CDH23: variants seen among roughly 807,000 people sequenced by gnomAD.
CDH23 encodes cadherin-23.
A neutral mutation model predicts 317.1 loss-of-function variants in CDH23; 189 were observed. That is an observed-to-expected ratio of 0.60 (90% CI 0.53 to 0.67). The LOEUF is 0.67. Ranked by LOEUF, CDH23 falls within the 30% of genes least tolerant of loss-of-function variation. The pLI, the probability that CDH23 is intolerant of heterozygous loss-of-function variation, is 0.00. For missense variants in CDH23, 4,401 were observed against 4,592.4 expected (o/e 0.96, Z 1.20); for synonymous variants, 1,839 against 1,876.8 (o/e 0.98, Z 0.52).
chr10:71,801,360 G>T (rs901386089), intron 53 of CDH23, among the ~76,000 whole-genome samples: 1 of 151,800 alleles, frequency 6.6e-6, no homozygotes, highest in Non-Finnish European at 1.5e-5. Flanking sequence ...CTCCATGTTG[G>T]TCGGGCTGGT....
intron 25 of CDH23, among the ~76,000 whole-genome samples, chr10:71,706,024 G>A (rs977665828): frequency 2.6e-5 from 4 of 152,142 alleles, no homozygotes; most frequent in African/African-American, 4.8e-5. Context: ...CCAGTTTCAG[G>A]ACCCCCTTAT....
chr10:71,576,248 G>T (rs904768986), intron 8 of CDH23, among the ~76,000 whole-genome samples: 2 of 152,224 alleles, frequency 1.3e-5, no homozygotes, highest in Non-Finnish European at 2.9e-5. Flanking sequence ...TCTGGGACAT[G>T]CAATTGCCCC....
At chr10:71,527,295 G>A (rs139285077) in intron 6 of CDH23, among the ~76,000 whole-genome samples, 2 of 152,220 alleles carry the variant, frequency 1.3e-5, no homozygotes, top group South Asian at 2.1e-4. Context: ...TCTCCCTCAC[G>A]GGTCAGTGCC....
At chr10:71,541,141 T>C (rs1373865972) in intron 6 of CDH23, among the ~76,000 whole-genome samples, 1 of 152,144 alleles carries the variant, frequency 6.6e-6, no homozygotes, top group African/African-American at 2.4e-5. Flanking sequence ...CAGGCTCTTA[T>C]GGATCTTTCA....
intron 6 of CDH23, among the ~76,000 whole-genome samples, chr10:71,517,703 G>A (rs1193111746): frequency 6.6e-6 from 1 of 152,222 alleles, no homozygotes; most frequent in East Asian, 1.9e-4. Context: ...GGGGCCACGG[G>A]CCTTGGCGGC....
intron 11 of CDH23, among the ~76,000 whole-genome samples, chr10:71,642,158 T>C (rs1310860591): frequency 6.6e-6 from 1 of 151,996 alleles, no homozygotes; most frequent in Non-Finnish European, 1.5e-5. Context: ...CTCCCCTTCT[T>C]GGGGCAACCT....
chr10:71,589,484 A>G (rs150880813), intron 9 of CDH23, among the ~76,000 whole-genome samples: 226 of 152,338 alleles, frequency 1.5e-3, no homozygotes, highest in Non-Finnish European at 2.2e-3. Flanking sequence ...TTTAGCCAAA[A>G]TATCAGCTTA....
chr10:71,519,584 G>A (rs1215537982), intron 6 of CDH23, among the ~76,000 whole-genome samples: 4 of 152,174 alleles, frequency 2.6e-5, no homozygotes, highest in African/African-American at 9.7e-5. Context: ...ATTGTGATGG[G>A]GCTGTGCACA....
chr10:71,803,360 C>T lies in CDH23; in HGVS notation c.7812C>T (p.Val2604=), dbSNP rs1841614745. 1 of 1,600,090 alleles carries T rather than the reference C, an allele frequency of 6.2e-7. No individual in the cohort carries two copies. Among genetic ancestry groups the T allele is most frequent in the Non-Finnish European group, 8.5e-7 (1 of 1,173,786 alleles). ...TTMLLVEVID[V]NDNRPVFVRP... ...TGCTCCTGGTGGAGGTCATCGACGT[C>T]AATGACAACCGCCCTGTCTTTGTGC... The change falls in exon 55 of 70, where the codon GTC becomes GTT. Residue 2604 remains valine (V), a synonymous_variant. Coordinates refer to ENST00000224721, the MANE Select transcript of CDH23 (RefSeq NM_022124.6).
intron 3 of CDH23, among the ~76,000 whole-genome samples, chr10:71,469,725 C>T (rs1357224463): frequency 3.9e-5 from 6 of 152,110 alleles, no homozygotes; most frequent in Admixed American, 3.9e-4. Context: ...CCTACCTCAG[C>T]CTCCCAAGTA....
intron 1 of CDH23, among the ~76,000 whole-genome samples, chr10:71,423,991 C>CT (rs1848932452): frequency 6.6e-6 from 1 of 152,250 alleles, no homozygotes; most frequent in African/African-American, 2.4e-5. Flanking sequence ...GTCACTATGA[C>CT]TGTTGGCTTG....
Position 71,445,996 on chromosome 10 carries a change from AT to A in CDH23, c.68-315del, listed in dbSNP as rs1209369297. On this transcript the variant is annotated intron_variant, in intron 2 of 69. Coordinates refer to ENST00000224721, the MANE Select transcript of CDH23 (RefSeq NM_022124.6). The stretch of plus-strand genomic sequence containing the variant: ...AAGATCAGTGAGCTATTTTACACTA[AT>A]TTTTTTCATACAGAGGCTTCTAAAT... 2.0e-5 allele frequency among the ~76,000 whole-genome samples: 3 copies of A among 152,286 alleles called. No individual in the cohort carries two copies. The East Asian group carries it at 5.8e-4, about 29-fold the overall frequency.
rs1434063011 is a variant in CDH23 at position 71,813,304 on chromosome 10, C to T, written c.9694C>T (p.Arg3232Trp). 14 of 1,551,490 alleles carry T rather than the reference C, an allele frequency of 9.0e-6. No individual in the cohort carries two copies. The South Asian group carries it at 1.1e-4, about 12-fold the overall frequency. Residue 3232 changes from arginine to tryptophan, a missense_variant, in exon 69 of 70, where the codon CGG (arginine) becomes TGG (tryptophan). Arg to Trp is a moderately radical substitution (Grantham distance 101, BLOSUM62 -3). This residue lies in a region of CDH23 where 1,144 missense variants were observed against 1,138.2 expected (regional missense o/e 1.01). Transcript: ENST00000224721. Reference sequence around the variant, plus strand: ...GCGGCTCAAAAAGCTCTTTGCACAGCGGATGGTGCAAAAAGCCTCCTCCTG... The same window carrying T: ...GCGGCTCAAAAAGCTCTTTGCACAGTGGATGGTGCAAAAAGCCTCCTCCTG... Reference protein sequence around the residue: ...YLRLKKLFAQRMVQKASSCHS... With the variant: ...YLRLKKLFAQWMVQKASSCHS...
At chr10:71,652,581 G>T (rs147576844) in intron 14 of CDH23, among the ~76,000 whole-genome samples, 2 of 152,220 alleles carry the variant, frequency 1.3e-5, no homozygotes, top group Non-Finnish European at 2.9e-5. Flanking sequence ...ACAAGACACC[G>T]GGCCTCAGTT....
chr10:71,422,037 A>G (rs1410913030), intron 1 of CDH23, among the ~76,000 whole-genome samples: 1 of 152,224 alleles, frequency 6.6e-6, no homozygotes, highest in Non-Finnish European at 1.5e-5. Context: ...TTGAAGGTCT[A>G]TGAGGGAGGA....
intron 9 of CDH23, among the ~76,000 whole-genome samples, chr10:71,595,938 T>TA (rs911483311): frequency 6.6e-6 from 1 of 152,196 alleles, no homozygotes; most frequent in African/African-American, 2.4e-5. Context: ...CTCTTTCTCT[T>TA]ACCTCTCCAG....
chr10:71,732,665 A>G (rs1839431429), intron 32 of CDH23: 3 of 1,381,980 alleles, frequency 2.2e-6, no homozygotes, highest in East Asian at 2.7e-5. Flanking sequence ...CCCCGAGATC[A>G]ATATCCCTGT....
Position 71,658,818 on chromosome 10 carries a change from C to T in CDH23, c.1449+12201C>T, listed in dbSNP as rs576965175. On this transcript the variant is annotated intron_variant, in intron 14 of 69. Transcript: ENST00000224721. ...GGCTTCCCCTCCATTCTGCCAGTCA[C>T]CCTCAGGGCTCACCTCCCAAGCTGG... 5.3e-5 allele frequency among the ~76,000 whole-genome samples: 8 copies of T among 152,320 alleles called. No individual in the cohort carries two copies. In the East Asian group the frequency reaches 1.2e-3, roughly 22 times the overall value.
Position 71,811,330 on chromosome 10 carries a change from C to CA in CDH23, c.9093_9094insA (p.Asp3032ArgfsTer2). ...CCTCGCCCAGGGTGATCCAGATGATCGATGAGAACAAGGAGCAGCTACGGA... is the reference window on the plus strand; with the variant it reads ...CCTCGCCCAGGGTGATCCAGATGATCAGATGAGAACAAGGAGCAGCTACGGA... On this transcript the variant is annotated frameshift_variant, in exon 63 of 70. Coordinates refer to ENST00000224721, the MANE Select transcript of CDH23 (RefSeq NM_022124.6). LOFTEE classifies it high-confidence loss of function. 1 of 1,613,782 alleles carries CA rather than the reference C, an allele frequency of 6.2e-7. No homozygotes were observed. The highest frequency in any genetic ancestry group is 8.5e-7 in the Non-Finnish European group (1 of 1,179,852).
Sources: gnomAD v4.1 joint callset for allele counts (sites outside exome capture counted in the v4.1 genomes callset) on GRCh38, gnomAD v4.1.1 for gene constraint, gnomAD v4.1.1 regional missense constraint, MANE v1.5 for transcripts, NCBI Gene and HGNC (gene_info 2026-07-23, HGNC 2026-07-21) for gene names.